FBXL7: variants seen among roughly 807,000 people sequenced by gnomAD.
The protein encoded by FBXL7 is F-box and leucine rich repeat protein 7, also known as F-box/LRR-repeat protein 7.
In FBXL7, 12 loss-of-function variants were observed where a neutral mutation model predicts 38.3. The ratio of observed to expected loss-of-function variants is 0.31; its 90% CI spans 0.20 to 0.51. FBXL7 has a LOEUF of 0.51. Among genes scored for constraint, FBXL7 ranks in the 20% least tolerant of loss-of-function variants. The probability of loss-of-function intolerance (pLI) is 0.98; values close to 1 mark genes in which losing one functional copy is unlikely to be tolerated. For synonymous variants in FBXL7, 297 were observed against 300.9 expected, an observed-to-expected ratio of 0.99 and a Z score of 0.13; for missense variants, 567 against 676.4, an observed-to-expected ratio of 0.84 and a Z score of 1.79.
At chr5:15,538,131 C>A (rs534160100) in intron 1 of FBXL7, among the ~76,000 whole-genome samples, 2 of 152,320 alleles carry the variant, frequency 1.3e-5, no homozygotes, top group East Asian at 1.9e-4. Flanking sequence ...GAGATAAATT[C>A]TCCCCTATTA....
intron 2 of FBXL7, among the ~76,000 whole-genome samples, chr5:15,748,184 AG>A (rs1369795907): frequency 6.6e-6 from 1 of 152,202 alleles, no homozygotes; most frequent in East Asian, 1.9e-4. Context: ...GGTAGAGAGT[AG>A]GGATGCTGTT....
intron 2 of FBXL7, among the ~76,000 whole-genome samples, chr5:15,921,249 T>C (rs1359999772): frequency 1.3e-5 from 2 of 151,818 alleles, no homozygotes; most frequent in African/African-American, 4.8e-5. Flanking sequence ...GGTGTGGTGG[T>C]GTGCGCCTGT....
chr5:15,661,307 T>A (rs1297654664), intron 2 of FBXL7, among the ~76,000 whole-genome samples: 1 of 152,156 alleles, frequency 6.6e-6, no homozygotes, highest in Non-Finnish European at 1.5e-5. Context: ...TTTTGTCAGT[T>A]CTTTGAGATT....
intron 2 of FBXL7, among the ~76,000 whole-genome samples, chr5:15,823,674 C>T (rs1441303250): frequency 6.6e-6 from 1 of 152,140 alleles, no homozygotes; most frequent in Non-Finnish European, 1.5e-5. Context: ...CAGACCTGCC[C>T]TCCTGTGAGT....
At chr5:15,764,757 C>G (rs2938832) in intron 2 of FBXL7, among the ~76,000 whole-genome samples, 115,277 of 152,242 alleles carry the variant, frequency 0.76, 44,000 homozygotes, top group East Asian at 0.89. Context: ...CACTGAAATA[C>G]AAACTGGGAA....
chr5:15,528,954 CTT>C lies in FBXL7; in HGVS notation c.37+28242_37+28243del, dbSNP rs56832827. On this transcript the variant is annotated intron_variant, in intron 1 of 3. Transcript: ENST00000504595. ...GTTATAAGAACATAAAATCTACTCT[CTT>C]AGCAATTTTTAAGTATACATTATTA... is the stretch of plus-strand genomic sequence containing the variant. Among the ~76,000 whole-genome samples the C allele has an allele frequency of 9.5e-3, 1,454 of 152,260 alleles. 25 individuals are homozygous for C. The highest frequency in any genetic ancestry group is 0.034 in the African/African-American group (1,392 of 41,552).
Position 15,804,328 on chromosome 5 carries a change from G to C in FBXL7, c.128-123562G>C, listed in dbSNP as rs113713968. ...ACAAAAAAATTTAAGAACTAGCCAG[G>C]CATGGTGGCATACAACTATAGTCCC... On this transcript the variant is annotated intron_variant, in intron 2 of 3. Coordinates refer to ENST00000504595, the MANE Select transcript of FBXL7 (RefSeq NM_012304.5). Among the ~76,000 whole-genome samples, 934 of 152,144 alleles carry C rather than the reference G, an allele frequency of 6.1e-3. 6 individuals are homozygous for C. Among genetic ancestry groups the C allele is most frequent in the African/African-American group, 0.021 (892 of 41,494 alleles).
intron 2 of FBXL7, among the ~76,000 whole-genome samples, chr5:15,864,630 C>A (rs1362443245): frequency 6.6e-6 from 1 of 152,002 alleles, no homozygotes; most frequent in East Asian, 1.9e-4. Flanking sequence ...GAAGAGTAAC[C>A]AAACTTGGCA....
At chr5:15,755,233 G>T (rs1178998327) in intron 2 of FBXL7, among the ~76,000 whole-genome samples, 1 of 152,160 alleles carries the variant, frequency 6.6e-6, no homozygotes, top group African/African-American at 2.4e-5. Context: ...TTGTATTTTA[G>T]TGGATAATAT....
At chr5:15,579,147 A>G (rs1739061504) in intron 1 of FBXL7, among the ~76,000 whole-genome samples, 1 of 152,204 alleles carries the variant, frequency 6.6e-6, no homozygotes, top group Admixed American at 6.5e-5. Flanking sequence ...TGGGAGGTTG[A>G]CAAGGTAAGG....
At chr5:15,664,448 A>G in intron 2 of FBXL7, among the ~76,000 whole-genome samples, 1 of 132,818 alleles carries the variant, frequency 7.5e-6, no homozygotes, top group African/African-American at 2.8e-5. Flanking sequence ...GAAGATTCAA[A>G]TTTTCTCTTT....
chr5:15,841,405 A>T (rs1019916622), intron 2 of FBXL7, among the ~76,000 whole-genome samples: 1 of 152,178 alleles, frequency 6.6e-6, no homozygotes, highest in East Asian at 1.9e-4. Flanking sequence ...TTATAATAGA[A>T]TAATGAAATA....
chr5:15,877,311 G>T lies in FBXL7; in HGVS notation c.128-50579G>T, dbSNP rs567992503. 3.9e-5 allele frequency among the ~76,000 whole-genome samples: 6 copies of T among 152,326 alleles called. No homozygotes were observed. In the South Asian group the frequency reaches 1.2e-3, roughly 32 times the overall value. ...GCCTATTTGAGAATTTGAATGGAAA[G>T]CTCTTGCTCAGTCACTTTGCATAGT... On this transcript the variant is annotated intron_variant, in intron 2 of 3. Coordinates refer to ENST00000504595, the MANE Select transcript of FBXL7 (RefSeq NM_012304.5).
At position 15,786,335 on chromosome 5, in the gene FBXL7, T is replaced by C. The variant is rs376618411; in HGVS notation, c.128-141555T>C. On this transcript the variant is annotated intron_variant, in intron 2 of 3. Transcript: ENST00000504595. ...AAGTGAAATATAGAACTTGCCATGATTGGGAAACCAGTAGGTAGAACTGGA... is the reference window on the plus strand; with the variant it reads ...AAGTGAAATATAGAACTTGCCATGACTGGGAAACCAGTAGGTAGAACTGGA... 2.0e-4 allele frequency among the ~76,000 whole-genome samples: 30 copies of C among 152,058 alleles called. 1 individual carries two copies. In the South Asian group the frequency reaches 6.2e-3, roughly 32 times the overall value.
intron 2 of FBXL7, among the ~76,000 whole-genome samples, chr5:15,905,864 G>GACCCCA (rs948903820): frequency 2.0e-5 from 3 of 151,830 alleles, no homozygotes; most frequent in African/African-American, 7.3e-5. Flanking sequence ...CCTCCTCTTC[G>GACCCCA]ACCCCAACCC....
intron 1 of FBXL7, among the ~76,000 whole-genome samples, chr5:15,585,425 C>A (rs1739271943): frequency 6.6e-6 from 1 of 152,208 alleles, no homozygotes; most frequent in African/African-American, 2.4e-5. Flanking sequence ...AAATTCATCA[C>A]CTTAACACAC....
At chr5:15,839,916 T>A (rs1290976752) in intron 2 of FBXL7, among the ~76,000 whole-genome samples, 2 of 152,226 alleles carry the variant, frequency 1.3e-5, no homozygotes, top group Non-Finnish European at 2.9e-5. Flanking sequence ...ATCTGCTTAC[T>A]CTTTTACAAC....
At chr5:15,555,940 C>A (rs1738215103) in intron 1 of FBXL7, among the ~76,000 whole-genome samples, 2 of 151,910 alleles carry the variant, frequency 1.3e-5, no homozygotes, top group African/African-American at 2.4e-5. Context: ...TAGGATCCAT[C>A]TATCTATCTG....
intron 2 of FBXL7, among the ~76,000 whole-genome samples, chr5:15,629,710 T>C (rs1183452367): frequency 6.6e-6 from 1 of 152,182 alleles, no homozygotes; most frequent in Non-Finnish European, 1.5e-5. Context: ...TTGTGTTTTT[T>C]TCAGCTCCGT....
Sources: allele counts gnomAD v4.1 joint callset (sites outside exome capture counted in the v4.1 genomes callset), GRCh38; gene constraint gnomAD v4.1.1; transcripts MANE v1.5; gene names NCBI Gene and HGNC (gene_info 2026-07-23, HGNC 2026-07-21).